Variants in BPIFA3 observed in about 807,000 individuals in gnomAD.
The protein encoded by BPIFA3 is BPI fold-containing family A member 3.
BPIFA3 carries 32 observed loss-of-function variants against 29.7 expected under a neutral mutation model. The observed-to-expected ratio is 1.08, with a 90% confidence interval of 0.81 to 1.45. The LOEUF is 1.45. BPIFA3 is among the 40% of genes most tolerant of loss of function. The pLI, the probability that BPIFA3 is intolerant of heterozygous loss-of-function variation, is 0.00. For missense variants in BPIFA3, 323 were observed against 311.3 expected (o/e 1.04, Z -0.28); for synonymous variants, 112 against 113.7 (o/e 0.98, Z 0.10).
intron 4 of BPIFA3, chr20:33,226,198 C>T: frequency 2.0e-6 from 1 of 510,088 alleles, no homozygotes; most frequent in Non-Finnish European, 3.4e-6. Flanking sequence ...GCTCTATTGC[C>T]ATGTTTCTAA....
chr20:33,217,608 G>C lies in BPIFA3; in HGVS notation c.72G>C (p.Gln24His). ...CCTTGCCCTTGGCACCACACAAGCA[G>C]CCTTGGCCTGGCCTGGCCCAAGCCC... ...LLALPLAPHK[Q>H]PWPGLAQAHR... The change falls in exon 1 of 7, where the codon CAG becomes CAC. Residue 24 changes from glutamine to histidine, a missense_variant. By Grantham distance (24) the Gln-to-His change is conservative. Coordinates refer to ENST00000375454, the MANE Select transcript of BPIFA3 (RefSeq NM_178466.5). 6.2e-7 allele frequency: 1 copy of C among 1,614,144 alleles called. No individual in the cohort carries two copies. The highest frequency in any genetic ancestry group is 8.5e-7 in the Non-Finnish European group (1 of 1,180,028).
intron 1 of BPIFA3, among the ~76,000 whole-genome samples, chr20:33,221,354 A>C (rs1024710284): frequency 1.2e-4 from 18 of 152,062 alleles, no homozygotes; most frequent in Non-Finnish European, 2.6e-4. Context: ...ACAGGGTTTC[A>C]CCATGTTGGC....
Position 33,225,359 on chromosome 20 carries a change from C to T in BPIFA3, c.536+112C>T, listed in dbSNP as rs1389622059. ...TTAGTCCAAAGCAGATCTCATCCTTCCCCCGGGATCTGCTCCTCCTCCCAT... is the reference window on the plus strand; with the variant it reads ...TTAGTCCAAAGCAGATCTCATCCTTTCCCCGGGATCTGCTCCTCCTCCCAT... On this transcript the variant is annotated intron_variant, in intron 4 of 6. Coordinates refer to ENST00000375454, the MANE Select transcript of BPIFA3 (RefSeq NM_178466.5). 8 of 1,447,430 alleles carry T rather than the reference C, an allele frequency of 5.5e-6. No homozygotes were observed. In the East Asian group the frequency reaches 1.6e-4, roughly 29 times the overall value. 89.7% of individuals were successfully genotyped at this position (1,447,430 alleles called of 1,614,324 possible). A position where few individuals can be genotyped will look rare whatever the true frequency, so the allele number is the denominator to read the frequency against.
chr20:33,223,777 C>T (rs1039617247), intron 1 of BPIFA3, 34 bp from the exon 2 acceptor site: 9 of 1,590,792 alleles, frequency 5.7e-6, no homozygotes, highest in Admixed American at 3.4e-5. Context: ...TTCCGTGACA[C>T]TGTGCAAAGT....
At chr20:33,226,656 G>A (rs79688802) in intron 5 of BPIFA3, among the ~76,000 whole-genome samples, 166 bp downstream of exon 5, 2,485 of 152,258 alleles carry the variant, frequency 0.016, 62 homozygotes, top group African/African-American at 0.057. Context: ...CTATCCTTGA[G>A]CAAGAGACTT....
intron 1 of BPIFA3, among the ~76,000 whole-genome samples, chr20:33,223,127 T>C (rs929638021): frequency 6.6e-6 from 1 of 152,126 alleles, no homozygotes; most frequent in Non-Finnish European, 1.5e-5. Flanking sequence ...AACAAACAAC[T>C]CCAAGGTGCT....
rs758659643 is a variant in BPIFA3 at position 33,223,903 on chromosome 20, C to T, written c.220C>T (p.Pro74Ser). 7 of 1,614,150 alleles carry T rather than the reference C, an allele frequency of 4.3e-6. No homozygotes were observed. The highest frequency in any genetic ancestry group is 5.9e-6 in the Non-Finnish European group (7 of 1,180,010). The change falls in exon 2 of 7, where the codon CCA becomes TCA. Residue 74 changes from proline to serine, a missense_variant. Physicochemically the swap from Pro to Ser is moderately conservative, Grantham distance 74 (BLOSUM62 -1). Transcript: ENST00000375454. ...DRLNASAQVAPGLVGWLISGR... is the reference protein window; with the variant it reads ...DRLNASAQVASGLVGWLISGR... Reference sequence around the variant, plus strand: ...ACTGAATGCCTCAGCACAAGTGGCCCCAGGGCTGGTGGGCTGGCTAATCAG... The same window carrying T: ...ACTGAATGCCTCAGCACAAGTGGCCTCAGGGCTGGTGGGCTGGCTAATCAG...
chr20:33,217,698 G>C, intron 1 of BPIFA3, 35 bp downstream of exon 1: 1 of 1,589,018 alleles, frequency 6.3e-7, no homozygotes, highest in Non-Finnish European at 8.6e-7. Context: ...TGCTGCCTAC[G>C]GGGCTGGGGA....
In BPIFA3 at chr20:33,224,037, G is replaced by T. The variant is rs923634683; in HGVS notation, c.278+76G>T. ...GATCGAAGGGTAGAGCTGATGGGGG[G>T]CTGGGGAGGTGCAAGGCCTGTGAAG... On this transcript the variant is annotated intron_variant, in intron 2 of 6. Transcript: ENST00000375454. 61 of 1,551,454 alleles carry T rather than the reference G, an allele frequency of 3.9e-5. No individual in the cohort carries two copies. In the Admixed American group the frequency reaches 1.0e-3, roughly 26 times the overall value.
Position 33,224,520 on chromosome 20 carries a change from G to A in BPIFA3, c.386+58G>A, listed in dbSNP as rs142285856. 4.1e-5 allele frequency: 58 copies of A among 1,397,608 alleles called. 1 individual carries two copies. The Admixed American group carries it at 8.9e-4, about 22-fold the overall frequency. 86.6% of individuals were successfully genotyped at this position (1,397,608 alleles called of 1,614,324 possible). A position where few individuals can be genotyped will look rare whatever the true frequency, so the allele number is the denominator to read the frequency against. On this transcript the variant is annotated intron_variant, in intron 3 of 6. Coordinates refer to ENST00000375454, the MANE Select transcript of BPIFA3 (RefSeq NM_178466.5). The stretch of plus-strand genomic sequence containing the variant: ...CTGGCCCTCCTCGCAGGGAACCTGG[G>A]AAATTCAGATCTTTCTGATCCCAAC...
intron 2 of BPIFA3, 21 bp from the exon 3 acceptor site, chr20:33,224,334 C>T (rs372484477): frequency 4.0e-5 from 64 of 1,603,286 alleles, no homozygotes; most frequent in Non-Finnish European, 5.4e-5. Flanking sequence ...CTTGTGGGGC[C>T]TCTGCTCTTT....
chr20:33,220,801 T>A (rs961826035), intron 1 of BPIFA3, among the ~76,000 whole-genome samples: 28 of 152,230 alleles, frequency 1.8e-4, no homozygotes, highest in Middle Eastern at 6.3e-3. Flanking sequence ...AATAGCTTTA[T>A]CTTTTCTCTT....
rs564064028 is a variant in BPIFA3, at chr20:33,225,263, C to G, written c.536+16C>G. 3.7e-5 allele frequency: 59 copies of G among 1,612,884 alleles called. No homozygotes were observed. In the South Asian group the frequency reaches 6.5e-4, roughly 18 times the overall value. The stretch of plus-strand genomic sequence containing the variant: ...TCCTCACTGAGTAAGACCCCAGCTG[C>G]CCCTCCCCAGAGCTGGGCCTCCTTC... On this transcript the variant is annotated intron_variant, in intron 4 of 6. Coordinates refer to ENST00000375454, the MANE Select transcript of BPIFA3 (RefSeq NM_178466.5).
At chr20:33,219,043 T>C (rs954351860) in intron 1 of BPIFA3, among the ~76,000 whole-genome samples, 5 of 152,118 alleles carry the variant, frequency 3.3e-5, no homozygotes, top group African/African-American at 1.2e-4. Flanking sequence ...GTAGCTGAGA[T>C]TACAGGTGCA....
intron 1 of BPIFA3, among the ~76,000 whole-genome samples, chr20:33,218,278 A>G (rs1985353933): frequency 1.3e-5 from 2 of 152,234 alleles, no homozygotes; most frequent in Admixed American, 1.3e-4. Context: ...ATAAACCCAG[A>G]AGGAGAGTGG....
intron 6 of BPIFA3, among the ~76,000 whole-genome samples, chr20:33,227,284 G>T (rs1428434590): frequency 6.6e-6 from 1 of 152,114 alleles, no homozygotes; most frequent in East Asian, 1.9e-4. Context: ...GGGAACACTG[G>T]CCCCATCCCA....
intron 1 of BPIFA3, among the ~76,000 whole-genome samples, chr20:33,222,704 A>G (rs1295491064): frequency 2.0e-5 from 3 of 151,800 alleles, no homozygotes; most frequent in African/African-American, 7.3e-5. Context: ...GGATGAATGG[A>G]TGGATGGATA....
At chr20:33,218,403 T>G (rs933601342) in intron 1 of BPIFA3, among the ~76,000 whole-genome samples, 1 of 152,226 alleles carries the variant, frequency 6.6e-6, no homozygotes, top group East Asian at 1.9e-4. Context: ...TGTCTCCCCA[T>G]GTTCCCCAGC....
At chr20:33,219,745 TA>T (rs139591120) in intron 1 of BPIFA3, among the ~76,000 whole-genome samples, 2,215 of 152,336 alleles carry the variant, frequency 0.015, 62 homozygotes, top group African/African-American at 0.051. Flanking sequence ...AACATCTTTG[TA>T]AAATGCTGTT....
Sources: allele counts gnomAD v4.1 joint callset (sites outside exome capture counted in the v4.1 genomes callset), GRCh38; gene constraint gnomAD v4.1.1; transcripts MANE v1.5; gene names NCBI Gene and HGNC (gene_info 2026-07-23, HGNC 2026-07-21).